TTC39B: variants seen among roughly 807,000 people sequenced by gnomAD.
TTC39B encodes the protein tetratricopeptide repeat domain 39B, also known as tetratricopeptide repeat protein 39B.
Under a neutral mutation model 96.6 loss-of-function variants are expected in TTC39B, and 92 were observed. The ratio of observed to expected loss-of-function variants is 0.95; its 90% CI spans 0.80 to 1.13. The LOEUF (loss-of-function observed/expected upper bound fraction) is 1.13. Ranked by LOEUF, TTC39B falls within the 50% of genes most tolerant of loss-of-function variation. The probability of loss-of-function intolerance (pLI) is 0.00; values close to 1 mark genes in which losing one functional copy is unlikely to be tolerated. For missense variants in TTC39B, 955 were observed against 809.3 expected (o/e 1.18, Z -2.18); for synonymous variants, 367 against 299.4 (o/e 1.23, Z -2.33).
intron 8 of TTC39B, among the ~76,000 whole-genome samples, chr9:15,195,752 T>C (rs1819129506): frequency 6.6e-6 from 1 of 150,950 alleles, no homozygotes; most frequent in African/African-American, 2.4e-5. Flanking sequence ...CCAGAATATC[T>C]AGCTAAGATC....
chr9:15,254,631 G>C (rs1822680731), intron 2 of TTC39B, among the ~76,000 whole-genome samples: 1 of 151,880 alleles, frequency 6.6e-6, no homozygotes. Flanking sequence ...ACTGTACCGA[G>C]ACAAAGAGAA....
At chr9:15,268,307 T>C (rs544860573) in intron 1 of TTC39B, among the ~76,000 whole-genome samples, 3 of 152,264 alleles carry the variant, frequency 2.0e-5, no homozygotes, top group South Asian at 2.1e-4. Flanking sequence ...ATGTAGTCTT[T>C]TCTTTCTCCA....
chr9:15,188,160 G>C, intron 13 of TTC39B, 28 bp from the exon 14 acceptor site: 1 of 1,554,258 alleles, frequency 6.4e-7, no homozygotes, highest in East Asian at 2.3e-5. Context: ...AAAGTTGATC[G>C]TCCAGATATT....
intron 1 of TTC39B, among the ~76,000 whole-genome samples, chr9:15,297,265 G>A (rs968176813): frequency 6.6e-6 from 1 of 152,150 alleles, no homozygotes; most frequent in Non-Finnish European, 1.5e-5. Flanking sequence ...AGCCCAGGTC[G>A]AATGTCACCT....
chr9:15,238,364 C>G (rs1454746196), intron 2 of TTC39B, among the ~76,000 whole-genome samples: 2 of 152,092 alleles, frequency 1.3e-5, no homozygotes, highest in African/African-American at 4.8e-5. Flanking sequence ...TAGAAAGCCC[C>G]AAAGACTCCT....
In TTC39B at chr9:15,226,032, A is replaced by T. The variant is rs905574267; in HGVS notation, c.276-20T>A. The T allele has an allele frequency of 3.1e-6, 5 of 1,609,948 alleles. No individual in the cohort carries two copies. Among genetic ancestry groups the T allele is most frequent in the Non-Finnish European group, 4.2e-6 (5 of 1,176,824 alleles). ...GAAGATCTGTTAATTAAAAAGGCAGAGCAAGGTTTTTTATTTCTTTGTCCT... is the reference window on the plus strand; with the variant it reads ...GAAGATCTGTTAATTAAAAAGGCAGTGCAAGGTTTTTTATTTCTTTGTCCT... On this transcript the variant is annotated intron_variant, in intron 2 of 19. Transcript: ENST00000512701.
chr9:15,175,049 T>C, exon 19 of TTC39B: 1 of 1,613,744 alleles, frequency 6.2e-7, no homozygotes, highest in Non-Finnish European at 8.5e-7. Flanking sequence ...TATGGCCTTG[T>C]CAATTTCCCC....
exon 9 of TTC39B, chr9:15,192,679 G>A (rs1412113177): frequency 1.2e-6 from 2 of 1,613,720 alleles, no homozygotes; most frequent in Non-Finnish European, 1.7e-6. Flanking sequence ...ATTTCATGCA[G>A]GATAGAAAGA....
At chr9:15,184,544 T>C (rs1334599731) in intron 16 of TTC39B, among the ~76,000 whole-genome samples, 1 of 152,204 alleles carries the variant, frequency 6.6e-6, no homozygotes, top group Non-Finnish European at 1.5e-5. Context: ...CATAGTAACT[T>C]GATATATTCA....
chr9:15,287,249 T>A (rs3933784), intron 1 of TTC39B, among the ~76,000 whole-genome samples: 135,848 of 152,244 alleles, frequency 0.89, 60,691 homozygotes, highest in East Asian at 0.98. Flanking sequence ...GCTAAAACAC[T>A]ATCTCTTAAA....
chr9:15,180,772 G>A (rs910164079), intron 17 of TTC39B, among the ~76,000 whole-genome samples: 1 of 152,176 alleles, frequency 6.6e-6, no homozygotes, highest in African/African-American at 2.4e-5. Context: ...AGTTCAAGGT[G>A]GGAAGGAGAA....
In TTC39B at chr9:15,280,659, C is replaced by T. The variant is rs115028883; in HGVS notation, c.241-12711G>A. 6.1e-3 allele frequency among the ~76,000 whole-genome samples: 936 copies of T among 152,268 alleles called. 15 individuals are homozygous for T. The highest frequency in any genetic ancestry group is 0.02 in the Middle Eastern group (6 of 294). The stretch of plus-strand genomic sequence containing the variant: ...CTGAGACCACCAAGCAGCCTCCTGG[C>T]CCTTGGTATGGTTGCTGCAGCTAGC... On this transcript the variant is annotated intron_variant, in intron 1 of 19. Transcript: ENST00000512701.
intron 1 of TTC39B, among the ~76,000 whole-genome samples, chr9:15,271,275 T>C (rs764029612): frequency 1.6e-4 from 25 of 152,174 alleles, no homozygotes; most frequent in African/African-American, 2.4e-4. Context: ...TGCTGTCTGA[T>C]TGGAGTCCGC....
intron 1 of TTC39B, among the ~76,000 whole-genome samples, chr9:15,279,986 C>A (rs565943045): frequency 2.6e-5 from 4 of 151,318 alleles, no homozygotes; most frequent in South Asian, 2.1e-4. Context: ...ACCTCCACCC[C>A]CCGGGTTCAA....
At chr9:15,260,921 G>C (rs1332928258) in intron 2 of TTC39B, among the ~76,000 whole-genome samples, 1 of 152,098 alleles carries the variant, frequency 6.6e-6, no homozygotes, top group Non-Finnish European at 1.5e-5. Context: ...ACCACCTCAG[G>C]ATTCCATTGA....
chr9:15,186,926 G>C lies in TTC39B; in HGVS notation c.1487+18C>G. ...TATACCCTCAGAGCCTTTGTTATAG[G>C]AATAGTGTCTCACATACCTGAATAA... is the stretch of plus-strand genomic sequence containing the variant. On this transcript the variant is annotated intron_variant, in intron 15 of 19. Transcript: ENST00000512701. 6.2e-7 allele frequency: 1 copy of C among 1,607,542 alleles called. No individual in the cohort carries two copies. The highest frequency in any genetic ancestry group is 1.3e-5 in the African/African-American group (1 of 74,818).
intron 16 of TTC39B, among the ~76,000 whole-genome samples, chr9:15,183,965 G>A (rs1318831408): frequency 1.3e-5 from 2 of 152,162 alleles, no homozygotes; most frequent in Non-Finnish European, 2.9e-5. Context: ...CTAGGCGCAG[G>A]CTAACTCCTG....
intron 8 of TTC39B, among the ~76,000 whole-genome samples, chr9:15,197,634 G>GA (rs1306686743): frequency 1.3e-5 from 2 of 150,808 alleles, no homozygotes; most frequent in Admixed American, 6.6e-5. Flanking sequence ...GAATGGGGCA[G>GA]AAAAAAAAAG....
exon 20 of TTC39B, chr9:15,167,326 G>A (rs1332194408): frequency 1.3e-5 from 2 of 149,156 alleles, no homozygotes; most frequent in Non-Finnish European, 1.5e-5. Context: ...AGGATTACAG[G>A]CGTGAGCCAC....
Sources: allele counts gnomAD v4.1 joint callset (sites outside exome capture counted in the v4.1 genomes callset), GRCh38; gene constraint gnomAD v4.1.1; transcripts MANE v1.5; gene names NCBI Gene and HGNC (gene_info 2026-07-23, HGNC 2026-07-21).